The following RPSA2 variants were observed in gnomAD, a reference collection of about 807,000 sequenced individuals.
RPSA2 encodes ribosomal protein SA 2.
At chr19:23,787,813 A>G in the RPSA2 span, among the ~76,000 whole-genome samples, 6 of 152,052 alleles carry the variant, frequency 3.9e-5, 1 homozygote, top group Middle Eastern at 3.2e-3. Flanking sequence ...TACCAAAGCG[A>G]TATTACTTTT....
the RPSA2 span, among the ~76,000 whole-genome samples, chr19:23,764,108 A>G: frequency 1.3e-5 from 2 of 152,110 alleles, no homozygotes; most frequent in African/African-American, 2.4e-5. Flanking sequence ...TAGGTTTTAC[A>G]TTTTTTACTT....
At chr19:23,772,849 TC>T in the RPSA2 span, among the ~76,000 whole-genome samples, 1 of 152,110 alleles carries the variant, frequency 6.6e-6, no homozygotes, top group Non-Finnish European at 1.5e-5. Context: ...AGGACTACTA[TC>T]CAAACCCAAC....
At chr19:23,869,835 C>A in the RPSA2 span, among the ~76,000 whole-genome samples, 3 of 152,206 alleles carry the variant, frequency 2.0e-5, no homozygotes, top group Admixed American at 2.0e-4. Context: ...CTACTCAACA[C>A]AGTCTTAATG....
chr19:23,806,159 C>T, the RPSA2 span, among the ~76,000 whole-genome samples: 1 of 151,470 alleles, frequency 6.6e-6, no homozygotes, highest in Non-Finnish European at 1.5e-5. Context: ...ATTCTCCTGC[C>T]TCAGCTTCCT....
chr19:23,862,083 G>T, the RPSA2 span, among the ~76,000 whole-genome samples: 1,770 of 152,068 alleles, frequency 0.012, 36 homozygotes, highest in African/African-American at 0.04. Flanking sequence ...TCCTTGAAGA[G>T]GTCCTTCACG....
the RPSA2 span, among the ~76,000 whole-genome samples, chr19:23,843,955 C>T: frequency 4.6e-5 from 7 of 152,228 alleles, no homozygotes; most frequent in South Asian, 1.5e-3. Flanking sequence ...GATGGGGTTT[C>T]TTCATGTTGT....
At chr19:23,782,276 GT>G in the RPSA2 span, 1 of 152,020 alleles carries the variant, frequency 6.6e-6, no homozygotes, top group African/African-American at 2.4e-5. Context: ...TGACATTTTT[GT>G]TTTTTTAAGG....
the RPSA2 span, among the ~76,000 whole-genome samples, chr19:23,801,604 A>T: frequency 1.3e-5 from 2 of 152,210 alleles, no homozygotes; most frequent in African/African-American, 2.4e-5. Context: ...CTTTCTCCCT[A>T]CTTTCAACTA....
the RPSA2 span, chr19:23,833,260 A>G: frequency 3.1e-6 from 3 of 958,658 alleles, no homozygotes; most frequent in East Asian, 1.8e-4. Context: ...AATCCTTACA[A>G]CTTAATGCAC....
the RPSA2 span, among the ~76,000 whole-genome samples, chr19:23,760,675 T>C: frequency 1.3e-4 from 20 of 148,998 alleles, no homozygotes; most frequent in Non-Finnish European, 2.2e-4. Context: ...ATATATTTTT[T>C]TTTTTTTAAG....
the RPSA2 span, chr19:23,833,134 C>A: frequency 8.2e-7 from 1 of 1,213,654 alleles, no homozygotes; most frequent in Non-Finnish European, 1.0e-6. Context: ...TGGTTTAAAA[C>A]CCTACAAATG....
the RPSA2 span, chr19:23,831,587 A>AT: frequency 3.8e-4 from 63 of 165,338 alleles, no homozygotes; most frequent in African/African-American, 1.4e-3. Flanking sequence ...TTTTATTTTT[A>AT]TTTTTTTAGG....
the RPSA2 span, chr19:23,818,421 T>C: frequency 6.6e-6 from 1 of 152,378 alleles, no homozygotes; most frequent in African/African-American, 2.4e-5. Flanking sequence ...TGCAGCTTTT[T>C]GTTTGACGAC....
the RPSA2 span, among the ~76,000 whole-genome samples, chr19:23,813,710 CTGA>C: frequency 6.0e-3 from 808 of 135,406 alleles, 6 homozygotes; most frequent in Non-Finnish European, 8.3e-3. Context: ...TTGTTTTCTA[CTGA>C]CAATCAACAC....
At chr19:23,838,779 G>A in the RPSA2 span, among the ~76,000 whole-genome samples, 1 of 151,968 alleles carries the variant, frequency 6.6e-6, no homozygotes, top group African/African-American at 2.4e-5. Flanking sequence ...TATTTCAGTG[G>A]TGTCAGTTAT....
At chr19:23,825,153 A>G in the RPSA2 span, among the ~76,000 whole-genome samples, 9 of 151,516 alleles carry the variant, frequency 5.9e-5, no homozygotes, top group East Asian at 1.6e-3. Context: ...CTATTTTTTT[A>G]TATTTTTGTA....
chr19:23,763,341 G>T, the RPSA2 span, among the ~76,000 whole-genome samples: 1 of 152,234 alleles, frequency 6.6e-6, no homozygotes, highest in African/African-American at 2.4e-5. Context: ...CATGTCTGGA[G>T]CCCCCTGAGC....
chr19:23,823,216 A>G, the RPSA2 span, among the ~76,000 whole-genome samples: 1 of 152,154 alleles, frequency 6.6e-6, no homozygotes, highest in East Asian at 1.9e-4. Context: ...CTTAACATAC[A>G]TGCTAATCGG....
chr19:23,828,584 T>C, the RPSA2 span, among the ~76,000 whole-genome samples: 1 of 145,542 alleles, frequency 6.9e-6, no homozygotes, highest in African/African-American at 2.5e-5. Context: ...TTTATCGTTG[T>C]ATATTCTCAT....
Sources: gnomAD v4.1 joint callset for allele counts (sites outside exome capture counted in the v4.1 genomes callset) on GRCh38, gnomAD v4.1.1 for gene constraint, MANE v1.5 for transcripts, NCBI Gene and HGNC (gene_info 2026-07-23, HGNC 2026-07-21) for gene names.